The following PBX1 variants were observed in gnomAD, a reference collection of about 807,000 sequenced individuals.
PBX1 encodes PBX homeobox 1.
A neutral mutation model predicts 53.4 loss-of-function variants in PBX1; 6 were observed. The ratio of observed to expected loss-of-function variants is 0.11; its 90% CI spans 0.06 to 0.22. The LOEUF (loss-of-function observed/expected upper bound fraction) is 0.22, where lower values mean the gene tolerates loss of function less well. Among genes scored for constraint, PBX1 ranks in the 10% least tolerant of loss-of-function variants. The probability of loss-of-function intolerance (pLI) is 1.00; values close to 1 mark genes in which losing one functional copy is unlikely to be tolerated. For missense variants in PBX1, 251 were observed against 551.4 expected, an observed-to-expected ratio of 0.46 and a Z score of 5.46; for synonymous variants, 204 against 212.3, an observed-to-expected ratio of 0.96 and a Z score of 0.34.
chr1:164,769,729 A>C (rs1667266613), intron 2 of PBX1: 1 of 152,174 alleles, frequency 6.6e-6, no homozygotes, highest in South Asian at 2.1e-4. Context: ...ACTCTATAGT[A>C]CTAAAAGGAA....
chr1:164,716,949 G>T (rs1470559712), intron 2 of PBX1, among the ~76,000 whole-genome samples: 1 of 152,136 alleles, frequency 6.6e-6, no homozygotes, highest in Middle Eastern at 3.2e-3. Context: ...AAGTTTCAGG[G>T]TGTTTGTGGT....
At chr1:164,831,162 G>T (rs944231255) in intron 8 of PBX1, among the ~76,000 whole-genome samples, 25 of 152,120 alleles carry the variant, frequency 1.6e-4, no homozygotes, top group African/African-American at 6.0e-4. Flanking sequence ...TCGTCATATT[G>T]TCACCCTTTT....
rs150542415 is a variant in PBX1, at chr1:164,601,953, G to A, written c.265+38642G>A. Among the ~76,000 whole-genome samples the A allele has an allele frequency of 2.6e-5, 4 of 152,256 alleles. No homozygotes were observed. The East Asian group carries it at 5.8e-4, about 22-fold the overall frequency. On this transcript the variant is annotated intron_variant, in intron 2 of 8. Transcript: ENST00000420696. Reference sequence around the variant, plus strand: ...AGCTTCCACTCAGCCATGCACCCTAGGAGTGGGGATTCAGCTCTGTGGCTC... The same window carrying A: ...AGCTTCCACTCAGCCATGCACCCTAAGAGTGGGGATTCAGCTCTGTGGCTC...
At chr1:164,836,487 G>A (rs1671045924) in intron 8 of PBX1, among the ~76,000 whole-genome samples, 1 of 152,310 alleles carries the variant, frequency 6.6e-6, no homozygotes, top group South Asian at 2.1e-4. Context: ...GTGGTGTCAA[G>A]TGAATTCAAA....
chr1:164,569,887 G>A (rs1011444383), intron 2 of PBX1, among the ~76,000 whole-genome samples: 9 of 152,092 alleles, frequency 5.9e-5, no homozygotes, highest in Admixed American at 5.2e-4. Context: ...CTTAAAGTGA[G>A]AATTAGCTAT....
At chr1:164,746,533 C>A (rs758699572) in intron 2 of PBX1, among the ~76,000 whole-genome samples, 1 of 152,076 alleles carries the variant, frequency 6.6e-6, no homozygotes, top group Non-Finnish European at 1.5e-5. Flanking sequence ...TGTGCCACCA[C>A]GCCCGGCTAA....
At chr1:164,740,085 A>C (rs1665523570) in intron 2 of PBX1, among the ~76,000 whole-genome samples, 1 of 152,196 alleles carries the variant, frequency 6.6e-6, no homozygotes, top group Admixed American at 6.5e-5. Context: ...ACAGAATTTG[A>C]TCTAAATGTA....
At chr1:164,699,974 G>A (rs946330696) in intron 2 of PBX1, among the ~76,000 whole-genome samples, 5 of 152,308 alleles carry the variant, frequency 3.3e-5, no homozygotes, top group Non-Finnish European at 7.3e-5. Context: ...AAATAGAGGC[G>A]AAGGAGGGGA....
rs930969908 is a variant in PBX1, at chr1:164,563,250, A to G, written c.204A>G (p.Leu68=). ...LDEAQARKHA[L]NCHRMKPALF... is the part of the protein sequence containing the mutation. Reference sequence around the variant, plus strand: ...TTCTTTCTTGCAGAAAACATGCTTTAAACTGCCACAGAATGAAGCCTGCCT... The same window carrying G: ...TTCTTTCTTGCAGAAAACATGCTTTGAACTGCCACAGAATGAAGCCTGCCT... The change falls in exon 2 of 9, where the codon TTA becomes TTG. Residue 68 remains leucine (L), a synonymous_variant. Coordinates refer to ENST00000420696, the MANE Select transcript of PBX1 (RefSeq NM_002585.4). 1.2e-6 allele frequency: 2 copies of G among 1,610,734 alleles called. No homozygotes were observed. Among genetic ancestry groups the G allele is most frequent in the Admixed American group, 1.7e-5 (1 of 59,816 alleles).
rs532114836 is a variant in PBX1, at chr1:164,668,338, C to T, written c.265+105027C>T. Among the ~76,000 whole-genome samples the T allele has an allele frequency of 1.2e-4, 18 of 152,206 alleles. No individual in the cohort carries two copies. The East Asian group carries it at 2.7e-3, about 23-fold the overall frequency. On this transcript the variant is annotated intron_variant, in intron 2 of 8. Coordinates refer to ENST00000420696, the MANE Select transcript of PBX1 (RefSeq NM_002585.4). ...GACCCGATTGTGTCTTGATTTGGGG[C>T]GGTGGTTCGACTTTGAGGGTCAGAC...
At chr1:164,596,248 C>G (rs1655749032) in intron 2 of PBX1, among the ~76,000 whole-genome samples, 1 of 152,144 alleles carries the variant, frequency 6.6e-6, no homozygotes, top group South Asian at 2.1e-4. Flanking sequence ...CATACAAATT[C>G]AGGTTTGAAT....
chr1:164,743,677 G>A (rs992564650), intron 2 of PBX1, among the ~76,000 whole-genome samples: 7 of 152,152 alleles, frequency 4.6e-5, no homozygotes, highest in Non-Finnish European at 1.0e-4. Flanking sequence ...CTTAAACAAA[G>A]TCATGGAATA....
chr1:164,746,867 G>T (rs1416133480), intron 2 of PBX1, among the ~76,000 whole-genome samples: 1 of 152,152 alleles, frequency 6.6e-6, no homozygotes, highest in African/African-American at 2.4e-5. Context: ...GGGGTTGCTG[G>T]CAGAAGAGCT....
At chr1:164,575,723 C>T (rs754567537) in intron 2 of PBX1, among the ~76,000 whole-genome samples, 3 of 152,106 alleles carry the variant, frequency 2.0e-5, no homozygotes, top group Non-Finnish European at 2.9e-5. Flanking sequence ...GTAGAATTTG[C>T]ATGCAGAGGC....
At chr1:164,871,911 C>T (rs1375602033) in intron 2 of PBX1, among the ~76,000 whole-genome samples, 2 of 151,084 alleles carry the variant, frequency 1.3e-5, no homozygotes, top group African/African-American at 4.9e-5. Flanking sequence ...ACACACCGAA[C>T]TCAAAGTTTC....
intron 2 of PBX1, among the ~76,000 whole-genome samples, chr1:164,565,276 T>C (rs1456905591): frequency 6.6e-6 from 1 of 152,160 alleles, no homozygotes; most frequent in African/African-American, 2.4e-5. Context: ...GTATTTTAAA[T>C]TTTGTGTCAA....
In PBX1 at chr1:164,850,626, C is replaced by G. The variant is rs1350928472; in HGVS notation, c.*3950C>G. ...AGGAGTAAGAACAAGTAGGCTTGTT[C>G]TTCTACTTTGCTTCAGAATTCAGTT... is the stretch of plus-strand genomic sequence containing the variant. On this transcript the variant is annotated 3_prime_UTR_variant, in exon 9 of 9. Transcript: ENST00000420696. The G allele has an allele frequency of 1.6e-5, 3 of 192,822 alleles. No individual in the cohort carries two copies. Among genetic ancestry groups the G allele is most frequent in the African/African-American group, 2.3e-5 (1 of 43,078 alleles). 11.9% of individuals were successfully genotyped at this position (192,822 alleles called of 1,614,324 possible).
chr1:164,810,702 T>G (rs370567387), intron 5 of PBX1, among the ~76,000 whole-genome samples: 1 of 152,210 alleles, frequency 6.6e-6, no homozygotes, highest in East Asian at 1.9e-4. Flanking sequence ...AATTTCAAAG[T>G]GAAACTAGAT....
intron 2 of PBX1, among the ~76,000 whole-genome samples, chr1:164,718,882 G>C (rs995281513): frequency 6.6e-6 from 1 of 152,142 alleles, no homozygotes; most frequent in African/African-American, 2.4e-5. Flanking sequence ...GCATAATTTT[G>C]GTCTCTTAAA....
Sources: gnomAD v4.1 joint callset for allele counts (sites outside exome capture counted in the v4.1 genomes callset) on GRCh38, gnomAD v4.1.1 for gene constraint, MANE v1.5 for transcripts, NCBI Gene and HGNC (gene_info 2026-07-23, HGNC 2026-07-21) for gene names.